The following RPS6KA2 variants were observed in gnomAD, a reference collection of about 807,000 sequenced individuals.
RPS6KA2 encodes ribosomal protein S6 kinase alpha-2.
In RPS6KA2, 42 loss-of-function variants were observed where a neutral mutation model predicts 91.8. That is an observed-to-expected ratio of 0.46 (90% CI 0.36 to 0.59). The LOEUF (loss-of-function observed/expected upper bound fraction) is 0.59. Among genes scored for constraint, RPS6KA2 ranks in the 20% least tolerant of loss-of-function variants. The pLI, the probability that RPS6KA2 is intolerant of heterozygous loss-of-function variation, is 0.00. For synonymous variants in RPS6KA2, 414 were observed against 393.6 expected (o/e 1.05, Z -0.61); for missense variants, 798 against 978.5 (o/e 0.82, Z 2.46).
chr6:166,481,713 C>T (rs2128470150), intron 10 of RPS6KA2, among the ~76,000 whole-genome samples: 1 of 151,856 alleles, frequency 6.6e-6, no homozygotes, highest in South Asian at 2.1e-4. Context: ...CTGCTGAGTT[C>T]TCTGATAAGA....
At chr6:166,564,239 C>T (rs142725210) in intron 1 of RPS6KA2, among the ~76,000 whole-genome samples, 4 of 152,338 alleles carry the variant, frequency 2.6e-5, no homozygotes, top group African/African-American at 7.2e-5. Flanking sequence ...CCGCATCATT[C>T]GATCAAGAGT....
chr6:166,566,667 G>A (rs1784515246), intron 1 of RPS6KA2, among the ~76,000 whole-genome samples: 1 of 152,186 alleles, frequency 6.6e-6, no homozygotes, highest in Non-Finnish European at 1.5e-5. Flanking sequence ...CCCTTGCCTG[G>A]AATCTCCCCA....
At chr6:166,790,937 A>T (rs1779068617) in intron 2 of RPS6KA2, among the ~76,000 whole-genome samples, 1 of 152,238 alleles carries the variant, frequency 6.6e-6, no homozygotes, top group African/African-American at 2.4e-5. Context: ...CATCAAGGCT[A>T]GGAAGAAACT....
rs538509925 is a variant in RPS6KA2 at position 166,792,167 on chromosome 6, G to A, written c.123+66033C>T. On this transcript the variant is annotated intron_variant, in intron 2 of 21. Coordinates refer to the RPS6KA2 transcript ENST00000503859. ...AGAGATGCAATAAAAAGTGATAAAGGCGATATCATCACCAATCCCACAGAA... is the reference window on the plus strand; with the variant it reads ...AGAGATGCAATAAAAAGTGATAAAGACGATATCATCACCAATCCCACAGAA... Among the ~76,000 whole-genome samples the A allele has an allele frequency of 3.1e-3, 477 of 152,180 alleles. 1 individual carries two copies. The highest frequency in any genetic ancestry group is 0.011 in the African/African-American group (455 of 41,530).
rs772580850 is a variant in RPS6KA2, at chr6:166,767,265, G to A, written c.123+90935C>T. Among the ~76,000 whole-genome samples, 1 of 152,156 alleles carries A rather than the reference G, an allele frequency of 6.6e-6. No homozygotes were observed. The highest frequency in any genetic ancestry group is 1.5e-5 in the Non-Finnish European group (1 of 68,034). ...CCATCAAAAAGCAAAATACAACTGC[G>A]ACTACCGTCTCACACGCTTCAGCTT... On this transcript the variant is annotated intron_variant, in intron 2 of 21. Coordinates refer to the RPS6KA2 transcript ENST00000503859. The surrounding 1 kb of genome is among the most constrained non-coding windows in gnomAD (Gnocchi z 4.6).
intron 1 of RPS6KA2, among the ~76,000 whole-genome samples, chr6:166,549,824 G>T (rs1247293014): frequency 6.6e-6 from 1 of 152,158 alleles, no homozygotes; most frequent in South Asian, 2.1e-4. Context: ...TACGAATAAG[G>T]TCTGTTGATT....
intron 3 of RPS6KA2, among the ~76,000 whole-genome samples, chr6:166,514,405 A>G (rs1272274170): frequency 6.6e-6 from 1 of 152,200 alleles, no homozygotes; most frequent in Non-Finnish European, 1.5e-5. Flanking sequence ...AACTGGAAAC[A>G]GCCTGGGAGG....
chr6:166,579,846 T>C (rs895165489), intron 1 of RPS6KA2, among the ~76,000 whole-genome samples: 1 of 152,214 alleles, frequency 6.6e-6, no homozygotes, highest in African/African-American at 2.4e-5. Flanking sequence ...AGTCCTCTTT[T>C]ATGATTATGC....
chr6:166,709,019 G>A (rs1329740127), intron 2 of RPS6KA2, among the ~76,000 whole-genome samples: 1 of 152,210 alleles, frequency 6.6e-6, no homozygotes. Flanking sequence ...ACAAGGAAGA[G>A]GTGTGAGCCA....
intron 2 of RPS6KA2, among the ~76,000 whole-genome samples, chr6:166,638,935 A>T (rs1164694939): frequency 6.6e-6 from 1 of 152,228 alleles, no homozygotes; most frequent in Non-Finnish European, 1.5e-5. Flanking sequence ...TCTATTTTTA[A>T]AAATGTTGAT....
intron 2 of RPS6KA2, among the ~76,000 whole-genome samples, chr6:166,787,991 A>AC: frequency 6.6e-6 from 1 of 151,888 alleles, no homozygotes; most frequent in South Asian, 2.1e-4. Context: ...AAAAAAAAAA[A>AC]AACCAACCCA....
At chr6:166,567,466 C>T (rs1196860034) in intron 1 of RPS6KA2, among the ~76,000 whole-genome samples, 1 of 152,064 alleles carries the variant, frequency 6.6e-6, no homozygotes, top group East Asian at 1.9e-4. Flanking sequence ...GAGCAAACAC[C>T]CAAAGTTTTG....
intron 19 of RPS6KA2, among the ~76,000 whole-genome samples, chr6:166,414,703 C>G (rs1430163067): frequency 6.6e-6 from 1 of 152,214 alleles, no homozygotes; most frequent in Non-Finnish European, 1.5e-5. Context: ...AGATGAGAAT[C>G]CATATTCTCT....
rs1362492200 is a variant in RPS6KA2 at position 166,612,101 on chromosome 6, C to T, written c.99+14820G>A. The stretch of plus-strand genomic sequence containing the variant: ...CACCCCTTTCCCAGGCCTGTTTGTT[C>T]TTTTTCCTCTTATTTTTCCTCCGTC... On this transcript the variant is annotated intron_variant, in intron 1 of 20. Coordinates refer to ENST00000265678, the MANE Select transcript of RPS6KA2 (RefSeq NM_021135.6). The surrounding 1 kb of genome is among the most constrained non-coding windows in gnomAD (Gnocchi z 4.3). 6.6e-6 allele frequency among the ~76,000 whole-genome samples: 1 copy of T among 152,172 alleles called. No homozygotes were observed. The highest frequency in any genetic ancestry group is 1.5e-5 in the Non-Finnish European group (1 of 68,032).
intron 2 of RPS6KA2, among the ~76,000 whole-genome samples, chr6:166,699,051 G>T (rs1016063400): frequency 1.3e-5 from 2 of 152,212 alleles, no homozygotes; most frequent in Non-Finnish European, 2.9e-5. Flanking sequence ...AGGAAGACTG[G>T]CATGGATTCC....
intron 11 of RPS6KA2, 55 bp downstream of exon 11, chr6:166,469,786 T>C: frequency 6.7e-7 from 1 of 1,487,000 alleles, no homozygotes; most frequent in Non-Finnish European, 9.4e-7. Context: ...GTATGTTCCC[T>C]CCACCCACTT....
chr6:166,770,155 G>A lies in RPS6KA2; in HGVS notation c.123+88045C>T, dbSNP rs539950225. On this transcript the variant is annotated intron_variant, in intron 2 of 21. Transcript: ENST00000503859. This position sits in a 1 kb window ranked among gnomAD's most constrained non-coding sequence, Gnocchi z 5.1. ...GGCCCCAAGGATGATCAATCCCATG[G>A]TGTCACAACCACATGTGGCGTGACT... Among the ~76,000 whole-genome samples the A allele has an allele frequency of 6.6e-6, 1 of 152,280 alleles. No individual in the cohort carries two copies. Among genetic ancestry groups the A allele is most frequent in the South Asian group, 2.1e-4 (1 of 4,824 alleles).
rs1156943471 is a variant in RPS6KA2, at chr6:166,508,315, T to C, written c.380-33A>G. 1 of 1,383,810 alleles carries C rather than the reference T, an allele frequency of 7.2e-7. No individual in the cohort carries two copies. Among genetic ancestry groups the C allele is most frequent in the Non-Finnish European group, 1.0e-6 (1 of 970,988 alleles). 85.7% of individuals were successfully genotyped at this position (1,383,810 alleles called of 1,614,324 possible). A position where few individuals can be genotyped will look rare whatever the true frequency, so the allele number is the denominator to read the frequency against. On this transcript the variant is annotated intron_variant, in intron 4 of 20. Transcript: ENST00000265678. This position sits in a 1 kb window ranked among gnomAD's most constrained non-coding sequence, Gnocchi z 4.3. ...GGACAGAGACCCGCATTTTGACAGC[T>C]TGTCGAATGTCCTGTGGCAACATCG...
At position 166,638,158 on chromosome 6, in the gene RPS6KA2, T is replaced by C. The variant is rs1787308932; in HGVS notation, c.124-99374A>G. Among the ~76,000 whole-genome samples, 3 of 152,274 alleles carry C rather than the reference T, an allele frequency of 2.0e-5. No homozygotes were observed. The South Asian group carries it at 6.2e-4, about 31-fold the overall frequency. On this transcript the variant is annotated intron_variant, in intron 2 of 21. Transcript: ENST00000503859. ...ATCAGAAACAATCACAAATGCTTTCTAGAGGAATCTGCATTAGAGCCAGGC... is the reference window on the plus strand; with the variant it reads ...ATCAGAAACAATCACAAATGCTTTCCAGAGGAATCTGCATTAGAGCCAGGC...
Sources: allele counts gnomAD v4.1 joint callset (sites outside exome capture counted in the v4.1 genomes callset), GRCh38; gene constraint gnomAD v4.1.1; non-coding constraint Gnocchi (gnomAD v3.1); transcripts MANE v1.5; gene names NCBI Gene and HGNC (gene_info 2026-07-23, HGNC 2026-07-21).